CD38: variants seen among roughly 807,000 people sequenced by gnomAD.
The protein encoded by CD38 is CD38 molecule, also known as ADP-ribosyl cyclase/cyclic ADP-ribose hydrolase 1.
In CD38, 31 loss-of-function variants were observed where a neutral mutation model predicts 36.3. The observed-to-expected ratio is 0.85, with a 90% confidence interval of 0.64 to 1.15. CD38 has a LOEUF of 1.15. Among genes scored for constraint, CD38 ranks in the 50% most tolerant of loss-of-function variants. The pLI, the probability that CD38 is intolerant of heterozygous loss-of-function variation, is 0.00. For synonymous variants in CD38, 131 were observed against 135.2 expected (o/e 0.97, Z 0.22); for missense variants, 380 against 371.9 (o/e 1.02, Z -0.18).
chr4:15,835,498 C>T (rs1371728213), intron 4 of CD38, among the ~76,000 whole-genome samples: 1 of 150,440 alleles, frequency 6.6e-6, no homozygotes, highest in Non-Finnish European at 1.5e-5. Context: ...CTACCTCAGC[C>T]TCCCCAGTAG....
At position 15,817,572 on chromosome 4, in the gene CD38, T is replaced by G. The variant is rs577514195; in HGVS notation, c.363+932T>G. Among the ~76,000 whole-genome samples, 3 of 152,358 alleles carry G rather than the reference T, an allele frequency of 2.0e-5. No homozygotes were observed. The East Asian group carries it at 5.8e-4, about 29-fold the overall frequency. On this transcript the variant is annotated intron_variant, in intron 2 of 7. Coordinates refer to ENST00000226279, the MANE Select transcript of CD38 (RefSeq NM_001775.4). ...TTGCATTTATCTCAGTTAATTTCCC[T>G]AGCACCCCATTAGTTTATTTCAGTC...
At chr4:15,835,265 G>A (rs924221226) in intron 4 of CD38, among the ~76,000 whole-genome samples, 2 of 150,106 alleles carry the variant, frequency 1.3e-5, no homozygotes, top group African/African-American at 4.9e-5. Flanking sequence ...TTCCATATAT[G>A]AGTGAGAGTA....
chr4:15,847,997 G>T (rs1724300387), intron 7 of CD38, among the ~76,000 whole-genome samples: 1 of 152,178 alleles, frequency 6.6e-6, no homozygotes, highest in Non-Finnish European at 1.5e-5. Context: ...GCCCAGGGGT[G>T]CTGGCAGCTG....
intron 1 of CD38, among the ~76,000 whole-genome samples, chr4:15,815,984 A>G (rs1166538596): frequency 1.3e-5 from 2 of 152,168 alleles, no homozygotes; most frequent in East Asian, 3.9e-4. Flanking sequence ...GGGATGTTGA[A>G]TTTTATTGAA....
intron 1 of CD38, among the ~76,000 whole-genome samples, chr4:15,802,199 A>G (rs944673665): frequency 4.6e-5 from 7 of 152,174 alleles, no homozygotes; most frequent in African/African-American, 1.7e-4. Context: ...TACCCCCCAA[A>G]AAAAACCTCC....
intron 1 of CD38, among the ~76,000 whole-genome samples, chr4:15,783,282 T>G (rs1043734744): frequency 6.6e-6 from 1 of 151,924 alleles, no homozygotes; most frequent in African/African-American, 2.4e-5. Flanking sequence ...CAGGAGGGAA[T>G]GGAGAGCCAG....
chr4:15,804,441 T>C (rs915548724), intron 1 of CD38, among the ~76,000 whole-genome samples: 4 of 152,202 alleles, frequency 2.6e-5, no homozygotes, highest in Non-Finnish European at 2.9e-5. Flanking sequence ...CCAAAGAAAA[T>C]AAAATCATAT....
chr4:15,804,255 C>T (rs532944586), intron 1 of CD38, among the ~76,000 whole-genome samples: 167 of 151,200 alleles, frequency 1.1e-3, no homozygotes, highest in African/African-American at 3.9e-3. Flanking sequence ...ATATTCACAG[C>T]GGTTGAACTA....
intron 2 of CD38, among the ~76,000 whole-genome samples, chr4:15,819,354 A>G (rs1289741806): frequency 1.3e-5 from 2 of 150,112 alleles, no homozygotes; most frequent in Admixed American, 1.3e-4. Flanking sequence ...TACTAGCTAC[A>G]TTTACCCAAT....
At chr4:15,812,754 T>C (rs994877228) in intron 1 of CD38, among the ~76,000 whole-genome samples, 1 of 152,142 alleles carries the variant, frequency 6.6e-6, no homozygotes, top group Non-Finnish European at 1.5e-5. Context: ...ATGTAGAATG[T>C]TTTTCCATTT....
At chr4:15,782,676 A>G (rs1325621748) in intron 1 of CD38, among the ~76,000 whole-genome samples, 1 of 152,092 alleles carries the variant, frequency 6.6e-6, no homozygotes, top group East Asian at 1.9e-4. Context: ...TACTCCCCAA[A>G]CCCTCAATTT....
intron 4 of CD38, among the ~76,000 whole-genome samples, chr4:15,837,112 A>G (rs1348449955): frequency 6.6e-6 from 1 of 152,192 alleles, no homozygotes; most frequent in Admixed American, 6.5e-5. Flanking sequence ...GTTTTAGGAC[A>G]GTGCTGTTGC....
intron 1 of CD38, among the ~76,000 whole-genome samples, chr4:15,781,129 G>T (rs1397985630): frequency 1.3e-5 from 2 of 152,124 alleles, no homozygotes; most frequent in Non-Finnish European, 2.9e-5. Context: ...AAAGAAGTGA[G>T]TTGGCACTTT....
intron 1 of CD38, among the ~76,000 whole-genome samples, chr4:15,781,542 C>T (rs933481972): frequency 6.6e-6 from 1 of 152,210 alleles, no homozygotes; most frequent in African/African-American, 2.4e-5. Context: ...GTTGATGTTG[C>T]AGCTGGAGTC....
chr4:15,826,856 T>G (rs1723862807), intron 3 of CD38, among the ~76,000 whole-genome samples: 1 of 152,168 alleles, frequency 6.6e-6, no homozygotes, highest in South Asian at 2.1e-4. Context: ...CAGAAGAAAA[T>G]AATACCTCAA....
intron 2 of CD38, among the ~76,000 whole-genome samples, chr4:15,816,945 C>T (rs1290138709): frequency 2.6e-5 from 4 of 152,148 alleles, no homozygotes; most frequent in African/African-American, 9.7e-5. Context: ...ATTAACACGA[C>T]CTATATAATA....
At chr4:15,814,501 A>T (rs1469411760) in intron 1 of CD38, among the ~76,000 whole-genome samples, 7 of 152,262 alleles carry the variant, frequency 4.6e-5, no homozygotes, top group Non-Finnish European at 1.5e-5. Context: ...TGTTTTAGTC[A>T]TGAAGTCTTT....
chr4:15,789,022 G>A (rs7665303), intron 1 of CD38, among the ~76,000 whole-genome samples: 65,240 of 152,078 alleles, frequency 0.43, 16,130 homozygotes, highest in African/African-American at 0.69. Flanking sequence ...ATTAATGAAT[G>A]GTAAATAGAA....
chr4:15,829,445 T>C (rs1328306180), intron 3 of CD38, among the ~76,000 whole-genome samples: 2 of 152,146 alleles, frequency 1.3e-5, no homozygotes, highest in Non-Finnish European at 2.9e-5. Flanking sequence ...ATTGGAAGAA[T>C]TGTCTTGGGC....
Sources: allele counts gnomAD v4.1 joint callset (sites outside exome capture counted in the v4.1 genomes callset), GRCh38; gene constraint gnomAD v4.1.1; transcripts MANE v1.5; gene names NCBI Gene and HGNC (gene_info 2026-07-23, HGNC 2026-07-21).